The following ATG7 variants were observed in gnomAD, a reference collection of about 807,000 sequenced individuals.
ATG7 encodes autophagy related 7, also known as ubiquitin-like modifier-activating enzyme ATG7.
ATG7 carries 70 observed loss-of-function variants against 82.4 expected under a neutral mutation model. That is an observed-to-expected ratio of 0.85 (90% CI 0.70 to 1.04). The LOEUF is 1.04. ATG7 is among the 50% of genes least tolerant of loss of function. ATG7 has a pLI of 0.00. For missense variants in ATG7, 792 were observed against 864.3 expected (o/e 0.92, Z 1.05); for synonymous variants, 287 against 313.0 (o/e 0.92, Z 0.88).
At chr3:11,371,284 G>A (rs1241294598) in intron 18 of ATG7, among the ~76,000 whole-genome samples, 1 of 151,074 alleles carries the variant, frequency 6.6e-6, no homozygotes, top group Admixed American at 6.6e-5. Context: ...ACGTAGAACA[G>A]GCAGAAACAA....
chr3:11,489,410 T>C (rs2090123137), intron 20 of ATG7, among the ~76,000 whole-genome samples: 1 of 152,068 alleles, frequency 6.6e-6, no homozygotes, highest in Admixed American at 6.5e-5. Flanking sequence ...ATCAATTTTA[T>C]TGATCCTTTC....
At chr3:11,546,976 A>G (rs2071348191) in intron 20 of ATG7, among the ~76,000 whole-genome samples, 1 of 152,156 alleles carries the variant, frequency 6.6e-6, no homozygotes, top group Non-Finnish European at 1.5e-5. Flanking sequence ...CAAGGTGGGG[A>G]CTTGGGAGCC....
intron 3 of ATG7, among the ~76,000 whole-genome samples, chr3:11,296,370 C>A (rs1484223500): frequency 6.6e-6 from 1 of 152,180 alleles, no homozygotes; most frequent in African/African-American, 2.4e-5. Context: ...GAGCTTTATT[C>A]TCTCTTTTCA....
At chr3:11,564,411 C>CCA in the ATG7 span, among the ~76,000 whole-genome samples, 1 of 151,624 alleles carries the variant, frequency 6.6e-6, no homozygotes, top group Admixed American at 6.6e-5. Context: ...TAGGACCCCC[C>CCA]CACCCGAGGA....
At chr3:11,482,477 T>C (rs1273582182) in intron 20 of ATG7, among the ~76,000 whole-genome samples, 5 of 152,216 alleles carry the variant, frequency 3.3e-5, no homozygotes, top group African/African-American at 4.8e-5. Context: ...TGCTGACTCC[T>C]TCAGTAGAAT....
intron 20 of ATG7, among the ~76,000 whole-genome samples, chr3:11,541,156 T>A (rs2070801302): frequency 6.6e-6 from 1 of 152,230 alleles, no homozygotes; most frequent in Non-Finnish European, 1.5e-5. Flanking sequence ...CGCCTCGGCC[T>A]CCCAAAGTGC....
rs1236911181 is a variant in ATG7 at position 11,332,974 on chromosome 3, G to A, written c.770G>A (p.Ser257Asn). The A allele has an allele frequency of 6.5e-7, 1 of 1,530,080 alleles. No homozygotes were observed. Among genetic ancestry groups the A allele is most frequent in the South Asian group, 1.3e-5 (1 of 77,022 alleles). The allele number at this position is 1,530,080 out of a possible 1,614,324, so 94.8% of individuals were successfully genotyped here. The change falls in exon 11 of 21, where the codon AGT (serine) becomes AAT (asparagine). Residue 257 changes from serine to asparagine, a missense_variant and splice_region_variant. Coordinates refer to ENST00000693202, the MANE Select transcript of ATG7 (RefSeq NM_001349232.2). ...TAAAAATCCGGGCATGACAACAGGA[G>A]TAGCAGTTTCCAGTCTGTTGAAGTT... ...NFLVLAAHRWSSSFQSVEVVC... is the reference protein window; with the variant it reads ...NFLVLAAHRWNSSFQSVEVVC...
intron 20 of ATG7, among the ~76,000 whole-genome samples, chr3:11,466,893 G>A (rs2086876902): frequency 6.6e-6 from 1 of 152,164 alleles, no homozygotes; most frequent in Non-Finnish European, 1.5e-5. Flanking sequence ...ACTTTGGGAG[G>A]CCGAGGCGGG....
At chr3:11,380,122 C>T (rs957452575) in intron 19 of ATG7, 70 bp downstream of exon 19, 122 of 1,461,588 alleles carry the variant, frequency 8.3e-5, no homozygotes, top group Non-Finnish European at 1.1e-4. Context: ...GCAGCCTCAC[C>T]AGCTGGAGCC....
intron 20 of ATG7, among the ~76,000 whole-genome samples, chr3:11,549,490 C>G (rs1162924968): frequency 6.6e-6 from 1 of 152,126 alleles, no homozygotes; most frequent in Non-Finnish European, 1.5e-5. Context: ...CCCCTCGTAC[C>G]CTTCGACCCC....
chr3:11,511,848 C>T (rs1170689119), intron 20 of ATG7, among the ~76,000 whole-genome samples: 2 of 152,206 alleles, frequency 1.3e-5, no homozygotes, highest in African/African-American at 4.8e-5. Flanking sequence ...GGTGCTAAGT[C>T]CCCCACTGCC....
At chr3:11,544,909 C>G (rs561955202) in intron 20 of ATG7, among the ~76,000 whole-genome samples, 1 of 152,318 alleles carries the variant, frequency 6.6e-6, no homozygotes, top group East Asian at 1.9e-4. Flanking sequence ...ACGCAGTCCC[C>G]TGGGGAAGTC....
At chr3:11,513,636 C>T (rs1050402869) in intron 20 of ATG7, among the ~76,000 whole-genome samples, 16 of 152,234 alleles carry the variant, frequency 1.1e-4, no homozygotes, top group Middle Eastern at 3.2e-3. Flanking sequence ...CTCCACACCT[C>T]CCTGCAAGCT....
chr3:11,362,890 C>G lies in ATG7; in HGVS notation c.1761C>G (p.Ala587=), dbSNP rs370997455. ...TGGCCGTGATTGCAGGAGCCCTGGC[C>G]GTGGAATTGATGGTATCTGTTTTGC... ...PGLAVIAGAL[A]VELMVSVLQH... The change falls in exon 17 of 21, where the codon GCC becomes GCG. Residue 587 remains alanine, a synonymous_variant. Transcript: ENST00000693202. 2.5e-6 allele frequency: 4 copies of G among 1,613,948 alleles called. No homozygotes were observed. The highest frequency in any genetic ancestry group is 2.2e-5 in the East Asian group (1 of 44,876).
chr3:11,476,392 G>T (rs2088218980), intron 20 of ATG7, among the ~76,000 whole-genome samples: 1 of 150,470 alleles, frequency 6.6e-6, no homozygotes, highest in Non-Finnish European at 1.5e-5. Context: ...GCTGCCACCA[G>T]TTGACCTGAA....
intron 20 of ATG7, among the ~76,000 whole-genome samples, chr3:11,461,802 G>A (rs1027485115): frequency 3.9e-5 from 6 of 152,094 alleles, no homozygotes; most frequent in East Asian, 3.9e-4. Context: ...CGAAGCGGGC[G>A]GATCACGAGG....
At chr3:11,417,805 A>ATTTTTTTTTTTTTTTTTT (rs200364263) in intron 19 of ATG7, among the ~76,000 whole-genome samples, 9 of 52,750 alleles carry the variant, frequency 1.7e-4, no homozygotes, top group Admixed American at 3.5e-4. Context: ...TTATTATTTT[A>ATTTTTTTTTTTTTTTTTT]TTTTATTTTA....
chr3:11,413,148 G>C (rs983259109), intron 19 of ATG7, among the ~76,000 whole-genome samples: 1 of 152,102 alleles, frequency 6.6e-6, no homozygotes, highest in African/African-American at 2.4e-5. Flanking sequence ...CAATTTGGAT[G>C]CCTTTTATTT....
At chr3:11,415,486 A>T (rs183247415) in intron 19 of ATG7, among the ~76,000 whole-genome samples, 21 of 152,246 alleles carry the variant, frequency 1.4e-4, no homozygotes, top group African/African-American at 5.1e-4. Flanking sequence ...AGCTTAAAAC[A>T]CAAATTGTAC....
Sources: allele counts gnomAD v4.1 joint callset (sites outside exome capture counted in the v4.1 genomes callset), GRCh38; gene constraint gnomAD v4.1.1; transcripts MANE v1.5; gene names NCBI Gene and HGNC (gene_info 2026-07-23, HGNC 2026-07-21).